The following SMAD2 variants were observed in gnomAD, a reference collection of about 807,000 sequenced individuals.
SMAD2 encodes SMAD family member 2, also known as MAD homolog 2.
A neutral mutation model predicts 64.4 loss-of-function variants in SMAD2; 8 were observed. The observed-to-expected ratio is 0.12, with a 90% confidence interval of 0.07 to 0.22. The LOEUF is 0.22. Ranked by LOEUF, SMAD2 falls within the 10% of genes least tolerant of loss-of-function variation. The pLI is 1.00. For synonymous variants in SMAD2, 203 were observed against 195.8 expected (o/e 1.04, Z -0.31); for missense variants, 289 against 561.2 (o/e 0.51, Z 4.90).
At chr18:47,890,905 G>C (rs1347732892) in intron 2 of SMAD2, among the ~76,000 whole-genome samples, 1 of 152,038 alleles carries the variant, frequency 6.6e-6, no homozygotes, top group Admixed American at 6.5e-5. Flanking sequence ...GAAGCAAAAG[G>C]GTATGAACAT....
At position 47,899,387 on chromosome 18, in the gene SMAD2, G is replaced by A. The variant is rs747972871; in HGVS notation, c.-53-2578C>T. ...TGGTATATGGGAGAGCTCAGAAAGC[G>A]CCAAGTTCAGTGAAAAAAAAATTCT... On this transcript the variant is annotated intron_variant, in intron 1 of 10. Transcript: ENST00000262160. Among the ~76,000 whole-genome samples, 8 of 117,146 alleles carry A rather than the reference G, an allele frequency of 6.8e-5. No homozygotes were observed. In the South Asian group the frequency reaches 1.3e-3, roughly 19 times the overall value. 76.9% of individuals were successfully genotyped at this position (117,146 alleles called of 152,430 possible). A position where few individuals can be genotyped will look rare whatever the true frequency, so the allele number is the denominator to read the frequency against.
intron 2 of SMAD2, chr18:47,886,686 A>G (rs1354250003): frequency 1.3e-5 from 2 of 152,472 alleles, no homozygotes; most frequent in Non-Finnish European, 2.9e-5. Flanking sequence ...GTCTCCTTAT[A>G]TATTTCAGTT....
At chr18:47,898,927 G>GTT (rs1461777654) in intron 1 of SMAD2, among the ~76,000 whole-genome samples, 1 of 150,196 alleles carries the variant, frequency 6.7e-6, no homozygotes. Context: ...GTATTTACCT[G>GTT]TTTATTCTCA....
At chr18:47,887,649 A>T (rs982271290) in intron 2 of SMAD2, among the ~76,000 whole-genome samples, 7 of 152,084 alleles carry the variant, frequency 4.6e-5, no homozygotes, top group African/African-American at 1.4e-4. Context: ...TCCACCTTTG[A>T]CCCATCAAAC....
chr18:47,867,548 A>C (rs1215410536), intron 5 of SMAD2, among the ~76,000 whole-genome samples: 2 of 151,818 alleles, frequency 1.3e-5, no homozygotes, highest in Non-Finnish European at 2.9e-5. Flanking sequence ...AAATCGAGAC[A>C]CTACAGCTTA....
chr18:47,885,217 C>T (rs150065287), intron 2 of SMAD2, among the ~76,000 whole-genome samples: 3,186 of 150,862 alleles, frequency 0.021, 65 homozygotes, highest in African/African-American at 0.05. Flanking sequence ...TCTCTGTCAC[C>T]CAGGCTGGAG....
At position 47,833,964 on chromosome 18, in the gene SMAD2, C is replaced by T. The variant is rs562298582; in HGVS notation, c.*7863G>A. Reference sequence around the variant, plus strand: ...CATAGGTTCAGAAGAACTTAGCTATCTAGTTGGCCTCTTCTCTGTTCCATT... The same window carrying T: ...CATAGGTTCAGAAGAACTTAGCTATTTAGTTGGCCTCTTCTCTGTTCCATT... On this transcript the variant is annotated 3_prime_UTR_variant, in exon 11 of 11. Transcript: ENST00000262160. The T allele has an allele frequency of 8.8e-4, 198 of 224,352 alleles. No individual in the cohort carries two copies. The highest frequency in any genetic ancestry group is 4.1e-3 in the African/African-American group (182 of 44,698). 13.9% of individuals were successfully genotyped at this position (224,352 alleles called of 1,614,324 possible).
rs75359822 is a variant in SMAD2, at chr18:47,882,701, T to C, written c.237-12137A>G. 5.0e-3 allele frequency among the ~76,000 whole-genome samples: 756 copies of C among 152,314 alleles called. 6 individuals are homozygous for C. Among genetic ancestry groups the C allele is most frequent in the African/African-American group, 0.017 (718 of 41,572 alleles). ...TTTATTGTCTATAAGATTGGTGATATTTGTTGCACAAATGCTTAAATTTAC... is the reference window on the plus strand; with the variant it reads ...TTTATTGTCTATAAGATTGGTGATACTTGTTGCACAAATGCTTAAATTTAC... On this transcript the variant is annotated intron_variant, in intron 2 of 10. Transcript: ENST00000262160.
At chr18:47,853,033 T>C (rs985710695) in intron 6 of SMAD2, among the ~76,000 whole-genome samples, 4 of 152,086 alleles carry the variant, frequency 2.6e-5, no homozygotes, top group Non-Finnish European at 4.4e-5. Flanking sequence ...AGCATAATTG[T>C]AGAATAAGAT....
At chr18:47,900,113 T>A (rs1392824462) in intron 1 of SMAD2, among the ~76,000 whole-genome samples, 1 of 152,144 alleles carries the variant, frequency 6.6e-6, no homozygotes, top group Non-Finnish European at 1.5e-5. Context: ...TACTTTAAGT[T>A]CTCTAATGAC....
At chr18:47,863,230 G>C (rs1050221480) in intron 6 of SMAD2, among the ~76,000 whole-genome samples, 2 of 152,328 alleles carry the variant, frequency 1.3e-5, no homozygotes, top group African/African-American at 4.8e-5. Flanking sequence ...GGCCCCAAGA[G>C]AGAAACTGAT....
intron 1 of SMAD2, among the ~76,000 whole-genome samples, chr18:47,897,105 A>G (rs1278836716): frequency 1.3e-5 from 2 of 152,204 alleles, no homozygotes; most frequent in Non-Finnish European, 2.9e-5. Flanking sequence ...TTAAACTCTT[A>G]GTAGTGTCAA....
At chr18:47,900,445 A>C (rs1435812049) in intron 1 of SMAD2, among the ~76,000 whole-genome samples, 1 of 152,132 alleles carries the variant, frequency 6.6e-6, no homozygotes, top group Non-Finnish European at 1.5e-5. Context: ...TAGGATCCGT[A>C]GTGATGTGAC....
chr18:47,820,942 A>ACAC lies in SMAD2; in HGVS notation c.*20884_*20885insGTG. The ACAC allele has an allele frequency of 7.8e-6, 1 of 128,388 alleles. No individual in the cohort carries two copies. The allele number at this position is 128,388 out of a possible 1,614,324, so 8.0% of individuals were successfully genotyped here. On this transcript the variant is annotated 3_prime_UTR_variant, in exon 11 of 11. Coordinates refer to ENST00000262160, the MANE Select transcript of SMAD2 (RefSeq NM_005901.6). Reference sequence around the variant, plus strand: ...ACACACACACACACACACACACACAAAATTTGGTCCCCAATGTTAGAACAA... The same window carrying ACAC: ...ACACACACACACACACACACACACAACACAATTTGGTCCCCAATGTTAGAACAA...
intron 7 of SMAD2, among the ~76,000 whole-genome samples, chr18:47,850,643 T>A (rs866247430): frequency 0.025 from 1,231 of 48,476 alleles, 229 homozygotes; most frequent in African/African-American, 0.14. Flanking sequence ...TTATATATAT[T>A]ATGTATAATA....
Position 47,869,372 on chromosome 18 carries a change from A to G in SMAD2, c.391T>C (p.Leu131=), listed in dbSNP as rs773642147. 15 of 1,613,738 alleles carry G rather than the reference A, an allele frequency of 9.3e-6. No homozygotes were observed. Among genetic ancestry groups the G allele is most frequent in the Admixed American group, 1.7e-5 (1 of 59,954 alleles). Residue 131 remains leucine (L), a synonymous_variant, in exon 4 of 11, where the codon TTA becomes CTA. Transcript: ENST00000262160. ...KGLPHVIYCR[L]WRWPDLHSHH... is the part of the protein sequence containing the mutation. ...CTGTGAAGATCAGGCCAGCGCCATAATCGGCAATATATAACATGTGGCAAT... is the reference window on the plus strand; with the variant it reads ...CTGTGAAGATCAGGCCAGCGCCATAGTCGGCAATATATAACATGTGGCAAT...
chr18:47,865,200 C>G, intron 5 of SMAD2, 67 bp from the exon 6 acceptor site: 1 of 822,756 alleles, frequency 1.2e-6, no homozygotes, highest in Non-Finnish European at 2.2e-6. Flanking sequence ...TCTCAGCTAC[C>G]AGAGATAACC....
Position 47,809,255 on chromosome 18 carries a change from G to C in SMAD2, c.*32572C>G, listed in dbSNP as rs576242493. ...GATAGGAAGCATTCCAGTTTCTCTA[G>C]TTTCTTCTTTCCCCTTCCTCTTTAT... On this transcript the variant is annotated 3_prime_UTR_variant, in exon 11 of 11. Coordinates refer to ENST00000262160, the MANE Select transcript of SMAD2 (RefSeq NM_005901.6). 6.6e-6 allele frequency: 1 copy of C among 152,414 alleles called. No individual in the cohort carries two copies. Among genetic ancestry groups the C allele is most frequent in the African/African-American group, 2.4e-5 (1 of 41,576 alleles). The allele number at this position is 152,414 out of a possible 1,614,324, so 9.4% of individuals were successfully genotyped here. A position where few individuals can be genotyped will look rare whatever the true frequency, so the allele number is the denominator to read the frequency against.
In SMAD2 at chr18:47,834,855, T is replaced by C. The variant is rs1043858163; in HGVS notation, c.*6972A>G. The C allele has an allele frequency of 2.3e-5, 5 of 220,684 alleles. No individual in the cohort carries two copies. Among genetic ancestry groups the C allele is most frequent in the Non-Finnish European group, 4.5e-5 (5 of 110,080 alleles). 13.7% of individuals were successfully genotyped at this position (220,684 alleles called of 1,614,324 possible). Reference sequence around the variant, plus strand: ...TTCTTTTTTAGGTGAAAATATTCTATGCCAACTGTTTTCCACAGTCCTGCA... The same window carrying C: ...TTCTTTTTTAGGTGAAAATATTCTACGCCAACTGTTTTCCACAGTCCTGCA... On this transcript the variant is annotated 3_prime_UTR_variant, in exon 11 of 11. Transcript: ENST00000262160.
Sources: allele counts gnomAD v4.1 joint callset (sites outside exome capture counted in the v4.1 genomes callset), GRCh38; gene constraint gnomAD v4.1.1; transcripts MANE v1.5; gene names NCBI Gene and HGNC (gene_info 2026-07-23, HGNC 2026-07-21).